The following A2ML1 variants were observed in gnomAD, a reference collection of about 807,000 sequenced individuals.
A2ML1 encodes alpha-2-macroglobulin-like protein 1.
A neutral mutation model predicts 181.9 loss-of-function variants in A2ML1; 161 were observed. That is an observed-to-expected ratio of 0.89 (90% CI 0.78 to 1.01). The LOEUF (loss-of-function observed/expected upper bound fraction) is 1.01. Among genes scored for constraint, A2ML1 ranks in the 50% least tolerant of loss-of-function variants. The pLI, the probability that A2ML1 is intolerant of heterozygous loss-of-function variation, is 0.00. For synonymous variants in A2ML1, 663 were observed against 666.8 expected, an observed-to-expected ratio of 0.99 and a Z score of 0.09; for missense variants, 1,670 against 1,768.1, an observed-to-expected ratio of 0.94 and a Z score of 1.00.
At chr12:8,867,646 T>C (rs1383747130) in intron 29 of A2ML1, among the ~76,000 whole-genome samples, 196 bp from the exon 30 acceptor site, 1 of 145,986 alleles carries the variant, frequency 6.8e-6, no homozygotes, top group East Asian at 2.0e-4. Flanking sequence ...AAACTCCATC[T>C]GAAAAAAAAA....
At chr12:8,868,787 AG>A (rs1344304678) in intron 32 of A2ML1, among the ~76,000 whole-genome samples, 160 bp downstream of exon 32, 2 of 152,060 alleles carry the variant, frequency 1.3e-5, no homozygotes, top group African/African-American at 4.8e-5. Flanking sequence ...TACACTTGTA[AG>A]AAAAGTAGTT....
intron 10 of A2ML1, among the ~76,000 whole-genome samples, chr12:8,841,022 G>GGAAGGACT (rs1943461320): frequency 3.4e-5 from 1 of 29,682 alleles, no homozygotes; most frequent in Non-Finnish European, 1.1e-4. Context: ...ACGGAAGGAA[G>GGAAGGACT]GAAGGAAGGA....
intron 10 of A2ML1, among the ~76,000 whole-genome samples, chr12:8,840,946 A>G (rs111866033): frequency 6.5e-4 from 88 of 135,218 alleles, no homozygotes; most frequent in Admixed American, 2.9e-3. Context: ...AAGGAAGGAA[A>G]GAAGGAAGGA....
chr12:8,850,234 T>A lies in A2ML1; in HGVS notation c.2194T>A (p.Tyr732Asn). The A allele has an allele frequency of 2.5e-6, 4 of 1,613,498 alleles. No individual in the cohort carries two copies. The highest frequency in any genetic ancestry group is 2.5e-6 in the Non-Finnish European group (3 of 1,179,798). ...HQAEDSQVRQ[Y>N]FPETWLWDLF... ...AGCAGAGGATTCTCAGGTCCGCCAGTACTTCCCAGAGACCTGGCTCTGGGA... is the reference window on the plus strand; with the variant it reads ...AGCAGAGGATTCTCAGGTCCGCCAGAACTTCCCAGAGACCTGGCTCTGGGA... The change falls in exon 18 of 36, where the codon TAC (tyrosine) becomes AAC (asparagine). Residue 732 changes from tyrosine (Y) to asparagine (N), a missense_variant. Physicochemically the swap from Tyr to Asn is moderately radical, Grantham distance 143 (BLOSUM62 -2). Coordinates refer to ENST00000299698, the MANE Select transcript of A2ML1 (RefSeq NM_144670.6).
At chr12:8,858,804 A>T (rs1330765891) in intron 26 of A2ML1, among the ~76,000 whole-genome samples, 1 of 152,124 alleles carries the variant, frequency 6.6e-6, no homozygotes, top group Non-Finnish European at 1.5e-5. Context: ...CTACTGGACT[A>T]AAAGATCTCT....
intron 7 of A2ML1, among the ~76,000 whole-genome samples, chr12:8,883,756 G>A (rs1208496402): frequency 6.6e-6 from 1 of 151,704 alleles, no homozygotes; most frequent in African/African-American, 2.4e-5. Context: ...GGGATTATAG[G>A]TTGAGCCACC....
At chr12:8,872,187 GA>G (rs35410077) in intron 33 of A2ML1, among the ~76,000 whole-genome samples, 41,414 of 128,428 alleles carry the variant, frequency 0.32, 6,216 homozygotes, top group Middle Eastern at 0.41. Flanking sequence ...TCAGAAAAAA[GA>G]AAAAAAAAAA....
At chr12:8,868,813 T>C (rs1304158714) in intron 32 of A2ML1, among the ~76,000 whole-genome samples, 186 bp downstream of exon 32, 2 of 152,068 alleles carry the variant, frequency 1.3e-5, no homozygotes, top group East Asian at 3.9e-4. Context: ...TATATATATA[T>C]GGCATCCATA....
chr12:8,855,905 C>T (rs74585000), intron 23 of A2ML1, among the ~76,000 whole-genome samples: 5,623 of 152,134 alleles, frequency 0.037, 358 homozygotes, highest in African/African-American at 0.13. Flanking sequence ...CAACCATTTT[C>T]AAAACTGAGG....
intron 28 of A2ML1, among the ~76,000 whole-genome samples, chr12:8,862,629 C>A (rs941341478): frequency 3.3e-5 from 5 of 152,208 alleles, no homozygotes; most frequent in African/African-American, 1.2e-4. Flanking sequence ...GCAGTCTCAG[C>A]CTTCATTTAT....
intron 2 of A2ML1, 103 bp downstream of exon 2, chr12:8,823,468 C>A: frequency 2.2e-6 from 3 of 1,350,476 alleles, no homozygotes; most frequent in South Asian, 2.9e-5. Context: ...TCTTTTGCCA[C>A]GGCCTCTAAA....
chr12:8,831,625 G>A (rs931449729), intron 4 of A2ML1, among the ~76,000 whole-genome samples: 7 of 152,174 alleles, frequency 4.6e-5, no homozygotes, highest in African/African-American at 1.4e-4. Context: ...TTGATTTATC[G>A]AGACAGGGGA....
chr12:8,855,593 G>A lies in A2ML1; in HGVS notation c.2848+1G>A, dbSNP rs768624782. ...ACCAAGGCTTATGTTACGGTTCTGG[G>A]TAAGCAGTTAGAGATTCTTGACTCA... On this transcript the variant is annotated splice_donor_variant, in intron 23 of 35. Coordinates refer to ENST00000299698, the MANE Select transcript of A2ML1 (RefSeq NM_144670.6). LOFTEE classifies it high-confidence loss of function. 2.1e-5 allele frequency: 34 copies of A among 1,613,962 alleles called. No individual in the cohort carries two copies. Among genetic ancestry groups the A allele is most frequent in the Middle Eastern group, 3.3e-4 (2 of 6,084 alleles).
chr12:8,854,075 T>C, intron 20 of A2ML1, 53 bp from the exon 21 acceptor site: 3 of 1,483,372 alleles, frequency 2.0e-6, no homozygotes, highest in Non-Finnish European at 2.7e-6. Flanking sequence ...GGAATGGACC[T>C]CACTGGTACC....
At chr12:8,854,510 C>T (rs751045493) in intron 21 of A2ML1, among the ~76,000 whole-genome samples, 3 of 152,258 alleles carry the variant, frequency 2.0e-5, no homozygotes, top group East Asian at 1.9e-4. Flanking sequence ...CTGCCTTTTT[C>T]GTCCCATCAT....
rs190462699 is a variant in A2ML1 at position 8,864,038 on chromosome 12, A to T, written c.3717+30A>T. 7,915 of 1,588,584 alleles carry T rather than the reference A, an allele frequency of 5.0e-3. 32 individuals are homozygous for T. The highest frequency in any genetic ancestry group is 6.3e-3 in the Non-Finnish European group (7,328 of 1,160,078). On this transcript the variant is annotated intron_variant, in intron 29 of 35. Coordinates refer to ENST00000299698, the MANE Select transcript of A2ML1 (RefSeq NM_144670.6). ...ACAGCCTGTTCTCCCACTGCCACTT[A>T]TCAGGTAGAATTAGATCTTGTGTGG...
At chr12:8,825,019 A>G (rs987375958) in intron 3 of A2ML1, among the ~76,000 whole-genome samples, 1 of 152,186 alleles carries the variant, frequency 6.6e-6, no homozygotes, top group Non-Finnish European at 1.5e-5. Flanking sequence ...GGTTGCTTCC[A>G]TATCTTGGCT....
Position 8,823,735 on chromosome 12 carries a change from G to A in A2ML1, c.262G>A (p.Gly88Ser). 1 of 1,613,926 alleles carries A rather than the reference G, an allele frequency of 6.2e-7. No individual in the cohort carries two copies. Residue 88 changes from glycine to serine, a missense_variant, in exon 3 of 36, where the codon GGT (glycine) becomes AGT (serine). Gly to Ser is a moderately conservative substitution (Grantham distance 56). Coordinates refer to ENST00000299698, the MANE Select transcript of A2ML1 (RefSeq NM_144670.6). Reference protein sequence around the residue: ...CISFLVPPPAGGTEEVATIRV... With the variant: ...CISFLVPPPASGTEEVATIRV... ...TCTTGGTCAGGTACCACCTCCTGCT[G>A]GTGGCACAGAAGAAGTGGCCACAAT... is the stretch of plus-strand genomic sequence containing the variant.
rs143462221 is a variant in A2ML1, at chr12:8,853,770, G to T, written c.2591-358G>T. 8.3e-3 allele frequency among the ~76,000 whole-genome samples: 1,262 copies of T among 152,316 alleles called. 12 individuals are homozygous for T. The highest frequency in any genetic ancestry group is 0.014 in the Non-Finnish European group (921 of 68,030). On this transcript the variant is annotated intron_variant, in intron 20 of 35. Transcript: ENST00000299698. ...AGTTTGAGAAAAGGGGTGCACCCAA[G>T]ATGGAAGCTGCAGTCTTTTTTGTAA... is the stretch of plus-strand genomic sequence containing the variant.
Sources: gnomAD v4.1 joint callset for allele counts (sites outside exome capture counted in the v4.1 genomes callset) on GRCh38, gnomAD v4.1.1 for gene constraint, MANE v1.5 for transcripts, NCBI Gene and HGNC (gene_info 2026-07-23, HGNC 2026-07-21) for gene names.